The following UBE3D variants were observed in gnomAD, a reference collection of about 807,000 sequenced individuals.
UBE3D encodes the protein E3 ubiquitin-protein ligase E3D.
A neutral mutation model predicts 49.6 loss-of-function variants in UBE3D; 48 were observed. The observed-to-expected ratio is 0.97, with a 90% CI of 0.77 to 1.23. The LOEUF (loss-of-function observed/expected upper bound fraction) is 1.23, where lower values mean the gene tolerates loss of function less well. Ranked by LOEUF, UBE3D falls within the 50% of genes most tolerant of loss-of-function variation. The probability of loss-of-function intolerance (pLI) is 0.00; values close to 1 mark genes in which losing one functional copy is unlikely to be tolerated. For missense variants in UBE3D, 452 were observed against 468.4 expected (o/e 0.96, Z 0.32); for synonymous variants, 189 against 174.2 (o/e 1.08, Z -0.67).
At chr6:82,884,280 T>C in the UBE3D span, among the ~76,000 whole-genome samples, 5 of 152,222 alleles carry the variant, frequency 3.3e-5, no homozygotes, top group African/African-American at 1.2e-4. Context: ...GTTTCACTCT[T>C]TTGCTCCATT....
chr6:83,047,923 A>G (rs1233506068), intron 3 of UBE3D, among the ~76,000 whole-genome samples: 1 of 151,972 alleles, frequency 6.6e-6, no homozygotes, highest in Non-Finnish European at 1.5e-5. Flanking sequence ...TCTACTAAAA[A>G]TACAAAAAAT....
At chr6:82,924,807 T>C (rs1773624596) in intron 9 of UBE3D, 1 of 152,214 alleles carries the variant, frequency 6.6e-6, no homozygotes, top group Non-Finnish European at 1.5e-5. Flanking sequence ...ATAGTATTTA[T>C]AGTAAACATT....
intron 4 of UBE3D, among the ~76,000 whole-genome samples, chr6:83,040,302 G>C (rs1782571663): frequency 6.6e-6 from 1 of 151,848 alleles, no homozygotes; most frequent in African/African-American, 2.4e-5. Flanking sequence ...GAGAATCACA[G>C]GAACCCGGGA....
intron 9 of UBE3D, among the ~76,000 whole-genome samples, chr6:82,896,104 T>A (rs562250870): frequency 1.1e-3 from 173 of 152,332 alleles, no homozygotes; most frequent in African/African-American, 4.0e-3. Flanking sequence ...GAACAGGTAC[T>A]GTACAATGCA....
chr6:82,970,959 C>CCCT (rs1341167518), intron 8 of UBE3D, among the ~76,000 whole-genome samples: 3 of 152,158 alleles, frequency 2.0e-5, no homozygotes, highest in African/African-American at 7.2e-5. Flanking sequence ...TCTCAGATCA[C>CCCT]CCTCCTCTCC....
chr6:82,990,469 G>A (rs557417447), intron 8 of UBE3D, among the ~76,000 whole-genome samples: 38 of 151,954 alleles, frequency 2.5e-4, no homozygotes, highest in Non-Finnish European at 2.6e-4. Context: ...GTAGAGACAC[G>A]GTTTCACCAT....
At position 82,923,260 on chromosome 6, in the gene UBE3D, G is replaced by A. The variant is rs149634741; in HGVS notation, c.1150-30218C>T. 8.6e-3 allele frequency among the ~76,000 whole-genome samples: 1,304 copies of A among 152,264 alleles called. 22 individuals are homozygous for A. Among genetic ancestry groups the A allele is most frequent in the African/African-American group, 0.029 (1,203 of 41,542 alleles). Reference sequence around the variant, plus strand: ...TGTTACTATAAAGACACACGTACACGTATGTTTATTGCAGCACTATTCACA... The same window carrying A: ...TGTTACTATAAAGACACACGTACACATATGTTTATTGCAGCACTATTCACA... On this transcript the variant is annotated intron_variant, in intron 9 of 9. Transcript: ENST00000369747.
At chr6:82,918,668 T>G (rs1183092591) in intron 9 of UBE3D, among the ~76,000 whole-genome samples, 3 of 152,030 alleles carry the variant, frequency 2.0e-5, no homozygotes, top group Non-Finnish European at 4.4e-5. Context: ...ATATTTACAG[T>G]CTTTTTAAAT....
chr6:82,928,368 T>C (rs1773910541), intron 9 of UBE3D, among the ~76,000 whole-genome samples: 1 of 152,082 alleles, frequency 6.6e-6, no homozygotes, highest in South Asian at 2.1e-4. Context: ...GTATGTATTA[T>C]AAAAAAGCAC....
At chr6:83,042,125 G>A (rs141321239) in intron 4 of UBE3D, among the ~76,000 whole-genome samples, 2 of 152,132 alleles carry the variant, frequency 1.3e-5, no homozygotes, top group African/African-American at 4.8e-5. Context: ...GGCCAGGATG[G>A]TCTCAATCTC....
intron 1 of UBE3D, among the ~76,000 whole-genome samples, chr6:83,060,535 C>T (rs1048882727): frequency 6.6e-6 from 1 of 152,194 alleles, no homozygotes; most frequent in Non-Finnish European, 1.5e-5. Flanking sequence ...GTCATACACA[C>T]ATACCCTAGT....
At chr6:82,984,240 A>T (rs1778309494) in intron 8 of UBE3D, among the ~76,000 whole-genome samples, 2 of 152,122 alleles carry the variant, frequency 1.3e-5, no homozygotes, top group Non-Finnish European at 2.9e-5. Context: ...TTCATTATTA[A>T]TTTTATAGTT....
intron 8 of UBE3D, among the ~76,000 whole-genome samples, chr6:82,986,782 G>T (rs1778547146): frequency 6.8e-6 from 1 of 147,536 alleles, no homozygotes; most frequent in Non-Finnish European, 1.5e-5. Flanking sequence ...TTCTTTATTT[G>T]TAGATTTTTA....
chr6:82,920,782 G>A (rs117114086), intron 9 of UBE3D, among the ~76,000 whole-genome samples: 1,779 of 152,198 alleles, frequency 0.012, 102 homozygotes, highest in Admixed American at 0.092. Flanking sequence ...TATATGTAAT[G>A]TTTAAAGAAG....
the UBE3D span, among the ~76,000 whole-genome samples, chr6:82,884,896 A>G: frequency 1.3e-5 from 2 of 152,328 alleles, no homozygotes; most frequent in African/African-American, 2.4e-5. Context: ...TAAAAAGTAA[A>G]TTGAACTTTA....
At chr6:83,008,210 G>C (rs959470126) in intron 8 of UBE3D, among the ~76,000 whole-genome samples, 3 of 152,090 alleles carry the variant, frequency 2.0e-5, no homozygotes, top group Non-Finnish European at 2.9e-5. Context: ...AGTTCCCCAA[G>C]TTGTGACAAC....
intron 8 of UBE3D, among the ~76,000 whole-genome samples, chr6:83,001,328 C>T (rs1357935738): frequency 6.6e-6 from 1 of 152,158 alleles, no homozygotes; most frequent in Non-Finnish European, 1.5e-5. Context: ...TATTAAATTC[C>T]TAATACCTAG....
At position 82,982,516 on chromosome 6, in the gene UBE3D, A is replaced by T. The variant is rs575153436; in HGVS notation, c.1011-25066T>A. Among the ~76,000 whole-genome samples, 5 of 152,276 alleles carry T rather than the reference A, an allele frequency of 3.3e-5. No homozygotes were observed. In the East Asian group the frequency reaches 9.6e-4, roughly 29 times the overall value. On this transcript the variant is annotated intron_variant, in intron 8 of 9. Transcript: ENST00000369747. ...TTTGCTGAAGAAACCAAGTTGATTG[A>T]CCTATAATTTCCCAATCTGGATTTT...
At chr6:82,951,636 T>C (rs952382788) in intron 9 of UBE3D, among the ~76,000 whole-genome samples, 3 of 152,180 alleles carry the variant, frequency 2.0e-5, no homozygotes, top group Non-Finnish European at 4.4e-5. Flanking sequence ...TGGTATGCAG[T>C]GTACAGAGTG....
Sources: allele counts gnomAD v4.1 joint callset (sites outside exome capture counted in the v4.1 genomes callset), GRCh38; gene constraint gnomAD v4.1.1; transcripts MANE v1.5; gene names NCBI Gene and HGNC (gene_info 2026-07-23, HGNC 2026-07-21).